BNC2: variants seen among roughly 807,000 people sequenced by gnomAD.
BNC2 encodes the protein zinc finger protein basonuclin-2.
Under a neutral mutation model 76.3 loss-of-function variants are expected in BNC2, and 20 were observed. The ratio of observed to expected loss-of-function variants is 0.26; its 90% CI spans 0.18 to 0.38. The LOEUF is 0.38. Among genes scored for constraint, BNC2 ranks in the 10% least tolerant of loss-of-function variants. The pLI is 1.00. For missense variants in BNC2, 1,382 were observed against 1,399.8 expected (o/e 0.99, Z 0.20); for synonymous variants, 582 against 514.8 (o/e 1.13, Z -1.77).
At chr9:16,813,164 C>T (rs890979294) in intron 1 of BNC2, among the ~76,000 whole-genome samples, 8 of 152,154 alleles carry the variant, frequency 5.3e-5, no homozygotes, top group African/African-American at 1.9e-4. Flanking sequence ...CGCCACTGCA[C>T]TCCAGCCTCG....
At chr9:16,792,209 C>T (rs1181940281) in intron 1 of BNC2, among the ~76,000 whole-genome samples, 1 of 150,152 alleles carries the variant, frequency 6.7e-6, no homozygotes, top group East Asian at 2.0e-4. Flanking sequence ...TTACAATCCT[C>T]ATGACAACCT....
chr9:16,610,252 T>C (rs1326114515), intron 3 of BNC2, among the ~76,000 whole-genome samples: 2 of 152,188 alleles, frequency 1.3e-5, no homozygotes, highest in Non-Finnish European at 2.9e-5. Flanking sequence ...TTTTAAATTA[T>C]GCTCATAGAG....
chr9:16,450,397 G>A (rs758505165), intron 5 of BNC2, among the ~76,000 whole-genome samples: 5 of 152,164 alleles, frequency 3.3e-5, no homozygotes, highest in Non-Finnish European at 5.9e-5. Flanking sequence ...GTTTGTGTGA[G>A]AACAGGAAGA....
At chr9:16,700,205 A>G (rs1250731633) in intron 3 of BNC2, among the ~76,000 whole-genome samples, 1 of 152,208 alleles carries the variant, frequency 6.6e-6, no homozygotes, top group East Asian at 1.9e-4. Flanking sequence ...TTCCATAGTA[A>G]AATTACTTCA....
chr9:16,545,529 C>G (rs1818454366), intron 5 of BNC2, among the ~76,000 whole-genome samples: 1 of 152,106 alleles, frequency 6.6e-6, no homozygotes, highest in South Asian at 2.1e-4. Context: ...AGGATGCAAG[C>G]CCATGAATCT....
At chr9:16,513,083 T>C (rs1394095903) in intron 5 of BNC2, among the ~76,000 whole-genome samples, 3 of 151,958 alleles carry the variant, frequency 2.0e-5, no homozygotes, top group East Asian at 3.9e-4. Flanking sequence ...GGAGCTGAGA[T>C]CACACCAGTG....
At chr9:16,672,355 G>A (rs1822503816) in intron 3 of BNC2, among the ~76,000 whole-genome samples, 1 of 152,112 alleles carries the variant, frequency 6.6e-6, no homozygotes, top group African/African-American at 2.4e-5. Flanking sequence ...AAATTAGCTG[G>A]GCATGGTGGC....
At chr9:16,599,629 C>A (rs1313394455) in intron 3 of BNC2, among the ~76,000 whole-genome samples, 1 of 152,072 alleles carries the variant, frequency 6.6e-6, no homozygotes, top group Non-Finnish European at 1.5e-5. Context: ...ATTAAAAATA[C>A]AAAAATAAGC....
intron 3 of BNC2, among the ~76,000 whole-genome samples, chr9:16,695,535 C>CTTTT (rs35589107): frequency 7.9e-6 from 1 of 127,030 alleles, no homozygotes; most frequent in Non-Finnish European, 1.7e-5. Context: ...CTTTTTCTTT[C>CTTTT]TTTTTTTTTT....
intron 1 of BNC2, among the ~76,000 whole-genome samples, chr9:16,804,857 TTTGAGAC>T (rs1817865928): frequency 6.6e-6 from 1 of 150,782 alleles, no homozygotes; most frequent in South Asian, 2.1e-4. Flanking sequence ...AGGTCAGGAG[TTTGAGAC>T]CAGCCTGGCC....
At chr9:16,807,978 A>T (rs1817953364) in intron 1 of BNC2, among the ~76,000 whole-genome samples, 1 of 152,200 alleles carries the variant, frequency 6.6e-6, no homozygotes. Flanking sequence ...AAGATAATTA[A>T]CTTTCTGAGC....
chr9:16,636,745 T>C (rs78032445), intron 3 of BNC2, among the ~76,000 whole-genome samples: 2,103 of 152,280 alleles, frequency 0.014, 42 homozygotes, highest in African/African-American at 0.047. Flanking sequence ...ATTCTATCTT[T>C]TATTTCTTCC....
intron 6 of BNC2, chr9:16,435,105 T>A (rs1376481887): frequency 2.1e-6 from 1 of 471,394 alleles, no homozygotes. Context: ...TGTTTCTATA[T>A]TGGATAAATA....
chr9:16,730,087 G>C (rs1824463406), intron 2 of BNC2, among the ~76,000 whole-genome samples: 1 of 150,808 alleles, frequency 6.6e-6, no homozygotes, highest in South Asian at 2.1e-4. Flanking sequence ...TCTTTCCCAG[G>C]TATCCTACCC....
chr9:16,728,286 G>A, intron 2 of BNC2: 1 of 482,192 alleles, frequency 2.1e-6, no homozygotes, highest in Admixed American at 3.3e-5. Flanking sequence ...GCATGTCATT[G>A]GATAGCAGAG....
chr9:16,519,850 G>C (rs1817559802), intron 5 of BNC2, among the ~76,000 whole-genome samples: 1 of 152,194 alleles, frequency 6.6e-6, no homozygotes, highest in Non-Finnish European at 1.5e-5. Context: ...CAAAGACTGT[G>C]TTTGGCCTCC....
intron 1 of BNC2, among the ~76,000 whole-genome samples, chr9:16,862,918 T>G (rs1255395070): frequency 2.2e-4 from 1 of 4,538 alleles, no homozygotes; most frequent in Admixed American, 3.5e-3. Context: ...TAGATAGATT[T>G]TTTTTTTTTT....
At chr9:16,697,170 C>T (rs915631997) in intron 3 of BNC2, among the ~76,000 whole-genome samples, 2 of 150,662 alleles carry the variant, frequency 1.3e-5, no homozygotes, top group African/African-American at 4.9e-5. Flanking sequence ...ACCAGCCTAG[C>T]TAATATGGTG....
chr9:16,534,889 C>G (rs186692006), intron 5 of BNC2, among the ~76,000 whole-genome samples: 110 of 152,264 alleles, frequency 7.2e-4, no homozygotes, highest in African/African-American at 2.5e-3. Flanking sequence ...AAATCCTAAT[C>G]TTTTGGTTAA....
Sources: gnomAD v4.1 joint callset for allele counts (sites outside exome capture counted in the v4.1 genomes callset) on GRCh38, gnomAD v4.1.1 for gene constraint, MANE v1.5 for transcripts, NCBI Gene and HGNC (gene_info 2026-07-23, HGNC 2026-07-21) for gene names.